WDR4: variants seen among roughly 807,000 people sequenced by gnomAD.
WDR4 encodes the protein tRNA (guanine-N(7)-)-methyltransferase non-catalytic subunit WDR4.
A neutral mutation model predicts 48.6 loss-of-function variants in WDR4; 47 were observed. The observed-to-expected ratio is 0.97, with a 90% CI of 0.77 to 1.23. The LOEUF (loss-of-function observed/expected upper bound fraction) is 1.23. WDR4 is among the 50% of genes most tolerant of loss of function. The probability of loss-of-function intolerance (pLI) is 0.00; values close to 1 mark genes in which losing one functional copy is unlikely to be tolerated. For missense variants in WDR4, 606 were observed against 551.6 expected, an observed-to-expected ratio of 1.10 and a Z score of -0.99; for synonymous variants, 268 against 230.0, an observed-to-expected ratio of 1.17 and a Z score of -1.49.
At chr21:42,850,357 A>G in intron 10 of WDR4, 115 bp from the exon 11 acceptor site, 2 of 976,498 alleles carry the variant, frequency 2.0e-6, no homozygotes, top group Non-Finnish European at 2.9e-6. Context: ...TCCTCGGTGG[A>G]CCGTGGGGGG....
At chr21:42,879,205 G>C in intron 1 of WDR4, 2 of 1,332,716 alleles carry the variant, frequency 1.5e-6, no homozygotes, top group Non-Finnish European at 1.9e-6. Flanking sequence ...CGGACGCCGA[G>C]AGCGGACGGC....
intron 1 of WDR4, 106 bp from the exon 2 acceptor site, chr21:42,876,873 C>T (rs2058504865): frequency 9.7e-7 from 1 of 1,028,248 alleles, no homozygotes; most frequent in South Asian, 1.7e-5. Context: ...GGCTCCAGTA[C>T]AATGGCACGA....
upstream of WDR4, chr21:42,879,620 A>C (rs929319937): frequency 1.6e-5 from 19 of 1,216,364 alleles, no homozygotes; most frequent in African/African-American, 3.0e-5. Flanking sequence ...CGCATGCTCA[A>C]GGACGAGCCT....
chr21:42,859,650 C>G lies in WDR4; in HGVS notation c.627+12G>C. 1 of 1,288,050 alleles carries G rather than the reference C, an allele frequency of 7.8e-7. No homozygotes were observed. Among genetic ancestry groups the G allele is most frequent in the African/African-American group, 1.6e-5 (1 of 61,798 alleles). 79.8% of individuals were successfully genotyped at this position (1,288,050 alleles called of 1,614,324 possible). A position where few individuals can be genotyped will look rare whatever the true frequency, so the allele number is the denominator to read the frequency against. On this transcript the variant is annotated intron_variant, in intron 6 of 10. Coordinates refer to ENST00000398208, the MANE Select transcript of WDR4 (RefSeq NM_018669.6). ...GAATCCAGAGGTGAGTGACGCTGGG[C>G]AGAACACTTACCCCAGAGGAGGACA... is the stretch of plus-strand genomic sequence containing the variant.
At chr21:42,873,738 A>T in intron 2 of WDR4, 47 bp from the exon 3 acceptor site, 1 of 1,594,120 alleles carries the variant, frequency 6.3e-7, no homozygotes, top group South Asian at 1.1e-5. Flanking sequence ...TAAGGAAATA[A>T]GGCTGCATTC....
chr21:42,874,076 T>C (rs2146098387), intron 2 of WDR4, among the ~76,000 whole-genome samples: 1 of 152,278 alleles, frequency 6.6e-6, no homozygotes, highest in East Asian at 1.9e-4. Flanking sequence ...AGCACTTTGG[T>C]GTTGCGAGAA....
chr21:42,861,483 C>G (rs1048956280), intron 5 of WDR4, among the ~76,000 whole-genome samples: 5 of 152,186 alleles, frequency 3.3e-5, no homozygotes, highest in Admixed American at 3.3e-4. Flanking sequence ...ACCTCCCTCA[C>G]GTGCCTGGCG....
At chr21:42,859,474 C>G (rs1274387546) in intron 6 of WDR4, among the ~76,000 whole-genome samples, 188 bp downstream of exon 6, 1 of 152,012 alleles carries the variant, frequency 6.6e-6, no homozygotes, top group Non-Finnish European at 1.5e-5. Context: ...CCTACGCACA[C>G]CCCACACGCA....
At chr21:42,854,200 A>C (rs1253919247) in intron 8 of WDR4, among the ~76,000 whole-genome samples, 1 of 152,022 alleles carries the variant, frequency 6.6e-6, no homozygotes, top group Non-Finnish European at 1.5e-5. Context: ...CCCTAAACCC[A>C]CCTTGTCAGC....
chr21:42,868,854 C>T (rs1029111869), intron 3 of WDR4, among the ~76,000 whole-genome samples: 1 of 152,280 alleles, frequency 6.6e-6, no homozygotes, highest in Non-Finnish European at 1.5e-5. Flanking sequence ...ACACTGTCCA[C>T]ACCTCTGCTG....
intron 1 of WDR4, chr21:42,878,902 G>C: frequency 3.1e-6 from 3 of 960,120 alleles, no homozygotes; most frequent in Non-Finnish European, 3.7e-6. Context: ...GTGGATGCAG[G>C]CCGGGAAGAG....
intron 3 of WDR4, among the ~76,000 whole-genome samples, chr21:42,870,345 T>C (rs2058345207): frequency 6.6e-6 from 1 of 151,772 alleles, no homozygotes; most frequent in Non-Finnish European, 1.5e-5. Context: ...AGCGAGACTC[T>C]GTCTCAAAAC....
Position 42,876,841 on chromosome 21 carries a change from G to A in WDR4, c.90-74C>T, listed in dbSNP as rs573642188. Reference sequence around the variant, plus strand: ...ATAACAAATTTTTTTTTTTTGAGACGGAGTTTCGCTCTCGTTGTCCAGGCT... The same window carrying A: ...ATAACAAATTTTTTTTTTTTGAGACAGAGTTTCGCTCTCGTTGTCCAGGCT... On this transcript the variant is annotated intron_variant, in intron 1 of 10. Transcript: ENST00000398208. 3.9e-5 allele frequency: 54 copies of A among 1,392,660 alleles called. 1 individual carries two copies. Among genetic ancestry groups the A allele is most frequent in the South Asian group, 2.6e-4 (20 of 77,100 alleles). 86.3% of individuals were successfully genotyped at this position (1,392,660 alleles called of 1,614,324 possible).
chr21:42,866,036 T>C (rs1240096922), intron 3 of WDR4, among the ~76,000 whole-genome samples: 1 of 152,152 alleles, frequency 6.6e-6, no homozygotes, highest in East Asian at 1.9e-4. Flanking sequence ...ATCAGATGGT[T>C]CTCTGGCTCT....
intron 2 of WDR4, 58 bp downstream of exon 2, chr21:42,876,644 T>G (rs1232640587): frequency 5.2e-6 from 8 of 1,526,494 alleles, no homozygotes; most frequent in Non-Finnish European, 7.2e-6. Flanking sequence ...TCTTAGACCC[T>G]CTGGTCCCAT....
downstream of WDR4, among the ~76,000 whole-genome samples, chr21:42,844,551 G>A (rs534167086): frequency 9.3e-4 from 142 of 152,334 alleles, no homozygotes; most frequent in African/African-American, 3.2e-3. Flanking sequence ...CACAAGCGTT[G>A]AGTCTGGATC....
At chr21:42,870,950 C>T (rs1433755239) in intron 3 of WDR4, among the ~76,000 whole-genome samples, 3 of 152,188 alleles carry the variant, frequency 2.0e-5, no homozygotes, top group South Asian at 2.1e-4. Context: ...TAACTGAATC[C>T]TCCAAACCAC....
At chr21:42,867,558 A>C (rs925635223) in intron 3 of WDR4, among the ~76,000 whole-genome samples, 2 of 152,140 alleles carry the variant, frequency 1.3e-5, no homozygotes, top group African/African-American at 4.8e-5. Context: ...AATATTTGCA[A>C]ATACTTACTG....
At chr21:42,855,281 C>T (rs1009565515) in intron 7 of WDR4, among the ~76,000 whole-genome samples, 74 of 152,306 alleles carry the variant, frequency 4.9e-4, no homozygotes, top group South Asian at 2.7e-3. Flanking sequence ...TGGAACAGAC[C>T]GTTTGGCGGG....
Sources: allele counts gnomAD v4.1 joint callset (sites outside exome capture counted in the v4.1 genomes callset), GRCh38; gene constraint gnomAD v4.1.1; transcripts MANE v1.5; gene names NCBI Gene and HGNC (gene_info 2026-07-23, HGNC 2026-07-21).